Variants in AURKA observed in about 807,000 individuals in gnomAD.
AURKA encodes aurora 2.
Under a neutral mutation model 40.9 loss-of-function variants are expected in AURKA, and 12 were observed. That is an observed-to-expected ratio of 0.29 (90% CI 0.19 to 0.48). The LOEUF (loss-of-function observed/expected upper bound fraction) is 0.48, where lower values mean the gene tolerates loss of function less well. Among genes scored for constraint, AURKA ranks in the 20% least tolerant of loss-of-function variants. AURKA has a pLI of 0.99. For missense variants in AURKA, 322 were observed against 462.1 expected (o/e 0.70, Z 2.78); for synonymous variants, 170 against 164.3 (o/e 1.03, Z -0.26).
intron 6 of AURKA, among the ~76,000 whole-genome samples, chr20:56,379,434 T>C (rs777025225): frequency 2.6e-5 from 4 of 152,186 alleles, no homozygotes; most frequent in African/African-American, 4.8e-5. Context: ...AATGAAGAGA[T>C]AGATGGATAA....
At chr20:56,392,133 T>G (rs1987227755) in intron 1 of AURKA, 35 bp downstream of exon 1, 1 of 152,338 alleles carries the variant, frequency 6.6e-6, no homozygotes, top group African/African-American at 2.4e-5. Context: ...GCCACTGAGA[T>G]ATCCCCCACG....
intron 1 of AURKA, among the ~76,000 whole-genome samples, chr20:56,389,224 T>C (rs1260539011): frequency 7.2e-6 from 1 of 138,842 alleles, no homozygotes; most frequent in Non-Finnish European, 1.6e-5. Flanking sequence ...ACCCTCCACT[T>C]CTCCATCTAC....
Position 56,369,398 on chromosome 20 carries a change from T to A in AURKA, c.*760A>T, listed in dbSNP as rs1259906070. 4.4e-6 allele frequency: 1 copy of A among 228,906 alleles called. No homozygotes were observed. Among genetic ancestry groups the A allele is most frequent in the African/African-American group, 2.2e-5 (1 of 44,968 alleles). The allele number at this position is 228,906 out of a possible 1,614,324, so 14.2% of individuals were successfully genotyped here. On this transcript the variant is annotated 3_prime_UTR_variant, in exon 9 of 9. Coordinates refer to ENST00000395915, the MANE Select transcript of AURKA (RefSeq NM_198437.3). ...ACACAGCACTCCACACAGACATAGA[T>A]ACTTATTTATTTGCATATTTAAAGT...
In AURKA at chr20:56,386,346, T is replaced by C. The variant is rs1403493502; in HGVS notation, c.230A>G (p.Lys77Arg). ...SHKPVQNQKQ[K>R]QLQATSVPHP... ...AGGTACACTGGTTGCCTGCAATTGC[T>C]TCTGCTTCTGATTCTGAACCGGCTT... The change falls in exon 3 of 9, where the codon AAG becomes AGG. Residue 77 changes from lysine to arginine, a missense_variant. By Grantham distance (26) the Lys-to-Arg change is conservative. Transcript: ENST00000395915. 2 of 1,614,094 alleles carry C rather than the reference T, an allele frequency of 1.2e-6. No homozygotes were observed. Among genetic ancestry groups the C allele is most frequent in the Admixed American group, 3.3e-5 (2 of 60,006 alleles).
Position 56,370,551 on chromosome 20 carries a change from T to C in AURKA, c.963A>G (p.Glu321=). 1.9e-6 allele frequency: 3 copies of C among 1,614,164 alleles called. No homozygotes were observed. Among genetic ancestry groups the C allele is most frequent in the Non-Finnish European group, 2.5e-6 (3 of 1,180,040 alleles). Residue 321 remains glutamate (E), a synonymous_variant, in exon 8 of 9, where the codon GAA becomes GAG. Transcript: ENST00000395915. ...CAAAAGGAGGCTTCCCAACTAAAAA[T>C]TCATAGCAAAGAACTCCAAGGCTCC... The part of the protein sequence containing the change: ...DLWSLGVLCY[E]FLVGKPPFEA...
At chr20:56,377,124 T>C (rs1985031174) in intron 6 of AURKA, among the ~76,000 whole-genome samples, 1 of 152,000 alleles carries the variant, frequency 6.6e-6, no homozygotes, top group Non-Finnish European at 1.5e-5. Flanking sequence ...ACCGTGTCTA[T>C]ACAAAAAATA....
chr20:56,379,146 A>G (rs1168426515), intron 6 of AURKA, among the ~76,000 whole-genome samples: 2 of 152,232 alleles, frequency 1.3e-5, no homozygotes, highest in African/African-American at 2.4e-5. Flanking sequence ...TGTTGATCCA[A>G]GCAGCTTTGG....
chr20:56,371,487 T>TG (rs1409104645), intron 7 of AURKA, among the ~76,000 whole-genome samples: 1 of 147,174 alleles, frequency 6.8e-6, no homozygotes, highest in Non-Finnish European at 1.5e-5. Context: ...TTTCTTAACC[T>TG]GAATCTCTTC....
intron 6 of AURKA, among the ~76,000 whole-genome samples, chr20:56,380,593 C>T (rs779030835): frequency 6.6e-6 from 1 of 152,046 alleles, no homozygotes; most frequent in Non-Finnish European, 1.5e-5. Flanking sequence ...TAAGTGTGGG[C>T]TATTCATAGT....
chr20:56,373,923 CAGA>C lies in AURKA; in HGVS notation c.706-370_706-368del, dbSNP rs1458531845. Among the ~76,000 whole-genome samples, 1 of 152,060 alleles carries C rather than the reference CAGA, an allele frequency of 6.6e-6. No homozygotes were observed. The highest frequency in any genetic ancestry group is 1.5e-5 in the Non-Finnish European group (1 of 68,030). On this transcript the variant is annotated intron_variant, in intron 6 of 8. Coordinates refer to ENST00000395915, the MANE Select transcript of AURKA (RefSeq NM_198437.3). This position sits in a 1 kb window ranked among gnomAD's most constrained non-coding sequence, Gnocchi z 5.0. ...CATGATCACACTTCAGCCTGGGTGA[CAGA>C]AGGAGACCCTGTCTCAAAAAGGAAA...
At chr20:56,380,046 C>A (rs1021688342) in intron 6 of AURKA, among the ~76,000 whole-genome samples, 23 of 151,200 alleles carry the variant, frequency 1.5e-4, no homozygotes, top group African/African-American at 5.3e-4. Context: ...CAATGATTTT[C>A]CCAGGAACCT....
intron 4 of AURKA, 72 bp downstream of exon 4, chr20:56,384,198 C>T: frequency 7.7e-7 from 1 of 1,304,242 alleles, no homozygotes. Context: ...CCAGAGTTCC[C>T]ACAACGAAAT....
intron 5 of AURKA, 53 bp downstream of exon 5, chr20:56,382,932 G>C: frequency 6.3e-7 from 1 of 1,592,088 alleles, no homozygotes; most frequent in Non-Finnish European, 8.6e-7. Flanking sequence ...TACAGGAGGG[G>C]GAGGGGTGCA....
At chr20:56,375,043 C>A (rs543668614) in intron 6 of AURKA, among the ~76,000 whole-genome samples, 1 of 151,860 alleles carries the variant, frequency 6.6e-6, no homozygotes, top group Non-Finnish European at 1.5e-5. Context: ...AGTAAAATTC[C>A]GTCTCAAAAA....
chr20:56,381,299 T>C, intron 6 of AURKA, 134 bp downstream of exon 6: 2 of 1,138,744 alleles, frequency 1.8e-6, no homozygotes, highest in South Asian at 2.6e-5. Flanking sequence ...TTTTGATTTT[T>C]CCACTTCAAA....
intron 1 of AURKA, 33 bp downstream of exon 1, chr20:56,392,135 T>G (rs1987228112): frequency 6.6e-6 from 1 of 151,998 alleles, no homozygotes; most frequent in African/African-American, 2.4e-5. Context: ...CACTGAGATA[T>G]CCCCCACGGT....
In AURKA at chr20:56,381,471, G is replaced by C. The variant is rs1217224639; in HGVS notation, c.667C>G (p.Gln223Glu). ...TGCTCATCAAACTTTGAAAGTTTCT[G>C]AAGTTCTCTATAAACTGTTCCAAGT... The part of the protein sequence containing the change: ...APLGTVYREL[Q>E]KLSKFDEQRT... The change falls in exon 6 of 9, where the codon CAG (glutamine) becomes GAG (glutamate). Residue 223 changes from glutamine to glutamate, a missense_variant. Coordinates refer to ENST00000395915, the MANE Select transcript of AURKA (RefSeq NM_198437.3). 6.2e-7 allele frequency: 1 copy of C among 1,613,718 alleles called. No individual in the cohort carries two copies. Among genetic ancestry groups the C allele is most frequent in the Non-Finnish European group, 8.5e-7 (1 of 1,179,960 alleles).
chr20:56,373,500 A>G lies in AURKA; in HGVS notation c.762T>C (p.His254=), dbSNP rs1491004085. 3.1e-6 allele frequency: 5 copies of G among 1,614,222 alleles called. No homozygotes were observed. The highest frequency in any genetic ancestry group is 4.2e-6 in the Non-Finnish European group (5 of 1,180,032). ...LSYCHSKRVI[H]RDIKPENLLL... ...GTAAGTTCTCTGGCTTAATGTCTCT[A>G]TGAATAACTCTCTTCGAATGACAGT... The change falls in exon 7 of 9, where the codon CAT becomes CAC. Residue 254 remains histidine, a synonymous_variant. Coordinates refer to ENST00000395915, the MANE Select transcript of AURKA (RefSeq NM_198437.3). This position sits in a 1 kb window ranked among gnomAD's most constrained non-coding sequence, Gnocchi z 5.0.
chr20:56,389,855 G>C (rs1986843540), intron 1 of AURKA, among the ~76,000 whole-genome samples: 1 of 152,092 alleles, frequency 6.6e-6, no homozygotes, highest in Non-Finnish European at 1.5e-5. Flanking sequence ...AGCATATTCT[G>C]TAGGCTCTGC....
Sources: gnomAD v4.1 joint callset for allele counts (sites outside exome capture counted in the v4.1 genomes callset) on GRCh38, gnomAD v4.1.1 for gene constraint, Gnocchi (gnomAD v3.1) non-coding constraint, MANE v1.5 for transcripts, NCBI Gene and HGNC (gene_info 2026-07-23, HGNC 2026-07-21) for gene names.